BLVRA: variants seen among roughly 807,000 people sequenced by gnomAD.
BLVRA encodes the protein BVR A.
Under a neutral mutation model 32.8 loss-of-function variants are expected in BLVRA, and 22 were observed. That is an observed-to-expected ratio of 0.67 (90% confidence interval 0.48 to 0.96). The LOEUF (loss-of-function observed/expected upper bound fraction) is 0.96, where lower values mean the gene tolerates loss of function less well. BLVRA is among the 40% of genes least tolerant of loss of function. The pLI is 0.00. For synonymous variants in BLVRA, 119 were observed against 141.3 expected (o/e 0.84, Z 1.12); for missense variants, 323 against 358.1 (o/e 0.90, Z 0.79).
chr7:43,796,008 A>G (rs6978907), intron 5 of BLVRA, among the ~76,000 whole-genome samples: 53,861 of 151,184 alleles, frequency 0.36, 10,088 homozygotes, highest in Admixed American at 0.45. Context: ...GGAGGCTGAG[A>G]CAGGAGAATC....
chr7:43,778,752 C>G (rs1040191272), intron 2 of BLVRA, among the ~76,000 whole-genome samples: 9 of 152,258 alleles, frequency 5.9e-5, no homozygotes, highest in Admixed American at 5.9e-4. Flanking sequence ...GCCCTGCCCC[C>G]AGAGGTGGAG....
rs145271417 is a variant in BLVRA, at chr7:43,795,018, C to G, written c.352+2206C>G. Reference sequence around the variant, plus strand: ...CTGAAGTCAGGATTTCAAGAGGAGCCTGGGCAACATGGTGAAACTCCGTCT... The same window carrying G: ...CTGAAGTCAGGATTTCAAGAGGAGCGTGGGCAACATGGTGAAACTCCGTCT... On this transcript the variant is annotated intron_variant, in intron 5 of 7. Transcript: ENST00000265523. Among the ~76,000 whole-genome samples the G allele has an allele frequency of 5.7e-3, 864 of 151,912 alleles. 10 individuals carry two copies. Among genetic ancestry groups the G allele is most frequent in the African/African-American group, 0.02 (835 of 41,408 alleles).
chr7:43,784,692 C>G (rs762046556), intron 2 of BLVRA, among the ~76,000 whole-genome samples: 1 of 149,784 alleles, frequency 6.7e-6, no homozygotes, highest in Non-Finnish European at 1.5e-5. Flanking sequence ...CAACCCCTGC[C>G]TCCCCGGTTC....
intron 1 of BLVRA, chr7:43,759,877 T>A (rs1329251194): frequency 6.6e-6 from 1 of 152,046 alleles, no homozygotes; most frequent in African/African-American, 2.4e-5. Context: ...AGACAAAGTA[T>A]CAGAAGGGAA....
chr7:43,777,551 C>T (rs1389847425), intron 2 of BLVRA, among the ~76,000 whole-genome samples: 2 of 152,206 alleles, frequency 1.3e-5, no homozygotes, highest in Non-Finnish European at 2.9e-5. Flanking sequence ...GATAACCCGA[C>T]CTTTCTCTCT....
rs143152908 is a variant in BLVRA, at chr7:43,795,177, C to G, written c.352+2365C>G. Among the ~76,000 whole-genome samples the G allele has an allele frequency of 2.6e-5, 4 of 152,194 alleles. No individual in the cohort carries two copies. The East Asian group carries it at 7.7e-4, about 29-fold the overall frequency. On this transcript the variant is annotated intron_variant, in intron 5 of 7. Coordinates refer to ENST00000265523, the MANE Select transcript of BLVRA (RefSeq NM_000712.4). The stretch of plus-strand genomic sequence containing the variant: ...AGTGAGCCAAGATTGTGGCATTGCA[C>G]TTTAGCCTGGGCGACACAGTGAGAC...
chr7:43,771,120 C>G lies in BLVRA; in HGVS notation c.-21-18C>G. On this transcript the variant is annotated intron_variant, in intron 1 of 7. Coordinates refer to ENST00000265523, the MANE Select transcript of BLVRA (RefSeq NM_000712.4). Reference sequence around the variant, plus strand: ...CAGGTGCCACCAGGGACCTGAACCTCTGCTTTTGTCTTTACAGTGACCGAA... The same window carrying G: ...CAGGTGCCACCAGGGACCTGAACCTGTGCTTTTGTCTTTACAGTGACCGAA... 1 of 1,613,862 alleles carries G rather than the reference C, an allele frequency of 6.2e-7. No individual in the cohort carries two copies. The highest frequency in any genetic ancestry group is 8.5e-7 in the Non-Finnish European group (1 of 1,179,730).
intron 3 of BLVRA, among the ~76,000 whole-genome samples, chr7:43,790,122 G>C (rs1277980061): frequency 6.6e-6 from 1 of 152,078 alleles, no homozygotes; most frequent in Non-Finnish European, 1.5e-5. Flanking sequence ...CTGGAGCTCT[G>C]AGCGGGCTGA....
chr7:43,796,883 A>G (rs1009101036), intron 5 of BLVRA, among the ~76,000 whole-genome samples: 1 of 152,224 alleles, frequency 6.6e-6, no homozygotes, highest in African/African-American at 2.4e-5. Flanking sequence ...TGATTTTAAA[A>G]TGGGCAAAGG....
intron 3 of BLVRA, among the ~76,000 whole-genome samples, chr7:43,789,537 TG>T (rs17245946): frequency 0.11 from 16,612 of 152,158 alleles, 1,031 homozygotes; most frequent in Admixed American, 0.19. Flanking sequence ...TATCTGGAGC[TG>T]GGACCACACA....
chr7:43,785,332 C>CAAA (rs57195897), intron 2 of BLVRA, among the ~76,000 whole-genome samples: 2 of 75,506 alleles, frequency 2.6e-5, no homozygotes, highest in Non-Finnish European at 2.8e-5. Flanking sequence ...TAGAAATTAC[C>CAAA]AAAAAAAAAA....
intron 1 of BLVRA, among the ~76,000 whole-genome samples, chr7:43,769,066 A>G (rs1324420702): frequency 6.6e-6 from 1 of 151,720 alleles, no homozygotes; most frequent in African/African-American, 2.4e-5. Context: ...TGTCACTATC[A>G]CTCTAGGCTG....
chr7:43,803,463 C>T (rs1365818289), intron 6 of BLVRA, among the ~76,000 whole-genome samples: 1 of 152,142 alleles, frequency 6.6e-6, no homozygotes, highest in Non-Finnish European at 1.5e-5. Flanking sequence ...CAGGAAAAGA[C>T]AGAGATGCTT....
chr7:43,780,132 A>C (rs1378736910), intron 2 of BLVRA, among the ~76,000 whole-genome samples: 1 of 152,206 alleles, frequency 6.6e-6, no homozygotes, highest in South Asian at 2.1e-4. Context: ...TCGGCCTCCC[A>C]AAGTGCTGGG....
intron 6 of BLVRA, among the ~76,000 whole-genome samples, chr7:43,800,862 AGAG>A (rs568713629): frequency 9.2e-5 from 14 of 152,208 alleles, no homozygotes; most frequent in Non-Finnish European, 1.6e-4. Flanking sequence ...AGGTGCTTGG[AGAG>A]GAGAACATTT....
At chr7:43,793,324 C>T (rs560982905) in intron 5 of BLVRA, among the ~76,000 whole-genome samples, 5 of 152,242 alleles carry the variant, frequency 3.3e-5, no homozygotes, top group African/African-American at 1.2e-4. Context: ...TATATATTTT[C>T]TCTAGATGCT....
In BLVRA at chr7:43,807,314, T is replaced by TA. The variant is rs368127599; in HGVS notation, c.*83dup. The TA allele has an allele frequency of 3.7e-5, 59 of 1,576,806 alleles. No individual in the cohort carries two copies. The African/African-American group carries it at 7.5e-4, about 20-fold the overall frequency. On this transcript the variant is annotated 3_prime_UTR_variant, in exon 8 of 8. Transcript: ENST00000265523. ...AAGAGTTGACCATTATCTCTATTCTTAAAATTAAACATGTTGGGGAAACAA... is the reference window on the plus strand; with the variant it reads ...AAGAGTTGACCATTATCTCTATTCTTAAAAATTAAACATGTTGGGGAAACAA...
At chr7:43,775,990 C>T (rs1318574584) in intron 2 of BLVRA, among the ~76,000 whole-genome samples, 1 of 152,042 alleles carries the variant, frequency 6.6e-6, no homozygotes, top group African/African-American at 2.4e-5. Flanking sequence ...AGTGATATCC[C>T]CTTTATCATT....
At chr7:43,800,282 C>T in intron 5 of BLVRA, 183 bp from the exon 6 acceptor site, 1 of 624,024 alleles carries the variant, frequency 1.6e-6, no homozygotes, top group Non-Finnish European at 2.9e-6. Flanking sequence ...CTGTTGTAAG[C>T]TTAGAAGTAG....
Sources: gnomAD v4.1 joint callset for allele counts (sites outside exome capture counted in the v4.1 genomes callset) on GRCh38, gnomAD v4.1.1 for gene constraint, MANE v1.5 for transcripts, NCBI Gene and HGNC (gene_info 2026-07-23, HGNC 2026-07-21) for gene names.